PCSK5: variants seen among roughly 807,000 people sequenced by gnomAD.
The protein encoded by PCSK5 is prohormone convertase 5.
A neutral mutation model predicts 233.2 loss-of-function variants in PCSK5; 129 were observed. The ratio of observed to expected loss-of-function variants is 0.55; its 90% CI spans 0.48 to 0.64. PCSK5 has a LOEUF of 0.64. Among genes scored for constraint, PCSK5 ranks in the 30% least tolerant of loss-of-function variants. PCSK5 has a pLI of 0.00. For missense variants in PCSK5, 2,076 were observed against 2,430.1 expected (o/e 0.85, Z 3.06); for synonymous variants, 825 against 879.2 (o/e 0.94, Z 1.09).
chr9:76,191,606 T>C (rs1170702935), intron 20 of PCSK5, among the ~76,000 whole-genome samples: 1 of 152,208 alleles, frequency 6.6e-6, no homozygotes, highest in South Asian at 2.1e-4. Context: ...TGCATCTCCA[T>C]GGTTTTTCCA....
chr9:76,129,743 A>G (rs1399882261), intron 9 of PCSK5, among the ~76,000 whole-genome samples: 2 of 152,012 alleles, frequency 1.3e-5, no homozygotes, highest in African/African-American at 4.8e-5. Context: ...TTGAAGTGCT[A>G]GTGGTTGCAC....
At chr9:75,932,522 C>A in intron 2 of PCSK5, 39 bp downstream of exon 2, 1 of 1,221,042 alleles carries the variant, frequency 8.2e-7, no homozygotes, top group Non-Finnish European at 1.2e-6. Context: ...AGAGGCAAAG[C>A]TTCTGCATTT....
At chr9:76,142,030 T>A (rs1823251823) in intron 10 of PCSK5, among the ~76,000 whole-genome samples, 1 of 152,074 alleles carries the variant, frequency 6.6e-6, no homozygotes, top group African/African-American at 2.4e-5. Context: ...TATTGGATAC[T>A]GGGCTTAATA....
intron 30 of PCSK5, among the ~76,000 whole-genome samples, chr9:76,313,464 C>A (rs1828926486): frequency 6.6e-6 from 1 of 152,134 alleles, no homozygotes; most frequent in South Asian, 2.1e-4. Flanking sequence ...CCCTAAGCAA[C>A]CACTAATCTA....
chr9:76,194,887 A>T (rs1310878972), intron 20 of PCSK5: 1 of 324,518 alleles, frequency 3.1e-6, no homozygotes, highest in African/African-American at 2.2e-5. Flanking sequence ...CTGGAGTCAC[A>T]GCTGAGGAGA....
chr9:76,047,091 C>A (rs1013277626), intron 5 of PCSK5, among the ~76,000 whole-genome samples: 2 of 151,278 alleles, frequency 1.3e-5, no homozygotes, highest in African/African-American at 2.4e-5. Context: ...ATGGATACTT[C>A]AAGGAAATCT....
intron 9 of PCSK5, among the ~76,000 whole-genome samples, chr9:76,114,172 TAAAAG>T (rs1259685393): frequency 3.9e-5 from 6 of 152,030 alleles, no homozygotes; most frequent in Non-Finnish European, 5.9e-5. Context: ...TGAAGAGAAT[TAAAAG>T]AAAACAAGGG....
At chr9:75,916,940 G>A (rs1823025934) in intron 1 of PCSK5, among the ~76,000 whole-genome samples, 1 of 152,094 alleles carries the variant, frequency 6.6e-6, no homozygotes, top group Admixed American at 6.5e-5. Flanking sequence ...GGAGGCCAAG[G>A]CGGGTAGATC....
intron 23 of PCSK5, among the ~76,000 whole-genome samples, chr9:76,239,480 A>G (rs1826360262): frequency 6.6e-6 from 1 of 152,136 alleles, no homozygotes; most frequent in Non-Finnish European, 1.5e-5. Context: ...GGATCACTTG[A>G]GGCCAGGAGT....
intron 8 of PCSK5, among the ~76,000 whole-genome samples, chr9:76,105,376 A>G (rs924049943): frequency 1.3e-5 from 2 of 152,182 alleles, no homozygotes; most frequent in African/African-American, 4.8e-5. Flanking sequence ...CCAGGGGGCA[A>G]GGGGAGGGAG....
At position 75,984,959 on chromosome 9, in the gene PCSK5, T is replaced by C. The variant is rs58338918; in HGVS notation, c.298-1173T>C. Among the ~76,000 whole-genome samples, 1,078 of 152,252 alleles carry C rather than the reference T, an allele frequency of 7.1e-3. 16 individuals carry two copies. The highest frequency in any genetic ancestry group is 0.024 in the African/African-American group (981 of 41,538). ...AGCAGGTGAGAGAGGTCTTAAAATG[T>C]TTACTGAATGGCTGGATATGGAATT... On this transcript the variant is annotated intron_variant, in intron 2 of 37. Transcript: ENST00000674117.
At chr9:76,053,683 G>C (rs1829717295) in intron 5 of PCSK5, among the ~76,000 whole-genome samples, 1 of 152,120 alleles carries the variant, frequency 6.6e-6, no homozygotes, top group Non-Finnish European at 1.5e-5. Flanking sequence ...GACCACCTCA[G>C]GCTGAACTTT....
At position 76,338,268 on chromosome 9, in the gene PCSK5, G is replaced by T; in HGVS notation, c.4787G>T (p.Cys1596Phe). The T allele has an allele frequency of 6.2e-7, 1 of 1,612,640 alleles. No homozygotes were observed. The change falls in exon 35 of 38, where the codon TGC becomes TTC. Residue 1596 changes from cysteine to phenylalanine, a missense_variant. By Grantham distance (205) the Cys-to-Phe change is radical. Around this residue, in one of 6 missense-constraint regions of PCSK5, gnomAD observed 1,510 missense variants for 1,538.1 expected, o/e 0.98. Transcript: ENST00000674117. ...AACTCCACTGGCCGGTGTGAGAGGT[G>T]CAACAGGAGCTGCAAGGGGTGCCAG... Reference protein sequence around the residue: ...ADNSTGRCERCNRSCKGCQGP... With the variant: ...ADNSTGRCERFNRSCKGCQGP...
intron 2 of PCSK5, among the ~76,000 whole-genome samples, chr9:75,976,823 T>C (rs528545668): frequency 6.6e-6 from 1 of 152,218 alleles, no homozygotes; most frequent in Admixed American, 6.5e-5. Context: ...ATTTAAATGT[T>C]AAAGAAATAT....
rs1825570755 is a variant in PCSK5 at position 75,891,057 on chromosome 9, CG to C, written c.-121del. The C allele has an allele frequency of 7.9e-6, 7 of 881,980 alleles. No homozygotes were observed. In the Admixed American group the frequency reaches 3.0e-4, roughly 38 times the overall value. The allele number at this position is 881,980 out of a possible 1,614,324, so 54.6% of individuals were successfully genotyped here. ...GGCTAGCCGCCTCCTGCCGATCGCC[CG>C]GGGCTGCGAGCTGCGGCGGCCCGGG... On this transcript the variant is annotated 5_prime_UTR_variant, in exon 1 of 38. Coordinates refer to ENST00000674117, the MANE Select transcript of PCSK5 (RefSeq NM_001372043.1).
At chr9:75,970,059 G>C (rs917700908) in intron 2 of PCSK5, among the ~76,000 whole-genome samples, 14 of 151,964 alleles carry the variant, frequency 9.2e-5, no homozygotes, top group Non-Finnish European at 1.8e-4. Context: ...GTTTAGTAGC[G>C]ATGGGGTTTC....
At chr9:76,230,869 T>G (rs1323448212) in intron 21 of PCSK5, among the ~76,000 whole-genome samples, 2 of 152,118 alleles carry the variant, frequency 1.3e-5, no homozygotes, top group Non-Finnish European at 2.9e-5. Flanking sequence ...TCCCACTGAT[T>G]CTGCATTACG....
intron 5 of PCSK5, among the ~76,000 whole-genome samples, chr9:76,056,000 C>T (rs1257343855): frequency 1.3e-5 from 2 of 152,098 alleles, no homozygotes; most frequent in African/African-American, 4.8e-5. Context: ...CTCCTCTCTC[C>T]TTCTAAGAGG....
At chr9:76,044,426 C>T (rs1371410350) in intron 5 of PCSK5, among the ~76,000 whole-genome samples, 2 of 152,052 alleles carry the variant, frequency 1.3e-5, no homozygotes, top group East Asian at 1.9e-4. Context: ...GCAGGACGAT[C>T]GTGAAAGTCT....
Sources: gnomAD v4.1 joint callset for allele counts (sites outside exome capture counted in the v4.1 genomes callset) on GRCh38, gnomAD v4.1.1 for gene constraint, gnomAD v4.1.1 regional missense constraint, MANE v1.5 for transcripts, NCBI Gene and HGNC (gene_info 2026-07-23, HGNC 2026-07-21) for gene names.